PLXDC2: variants seen among roughly 807,000 people sequenced by gnomAD.
PLXDC2 encodes plexin domain-containing protein 2.
PLXDC2 carries 40 observed loss-of-function variants against 68.9 expected under a neutral mutation model. The observed-to-expected ratio is 0.58, with a 90% CI of 0.45 to 0.76. PLXDC2 has a LOEUF of 0.76. PLXDC2 is among the 30% of genes least tolerant of loss of function. The pLI is 0.00. For synonymous variants in PLXDC2, 243 were observed against 234.2 expected, an observed-to-expected ratio of 1.04 and a Z score of -0.34; for missense variants, 644 against 661.9, an observed-to-expected ratio of 0.97 and a Z score of 0.30.
intron 1 of PLXDC2, among the ~76,000 whole-genome samples, chr10:19,875,217 G>A (rs1296016744): frequency 1.3e-5 from 2 of 152,112 alleles, no homozygotes; most frequent in South Asian, 2.1e-4. Context: ...TTAGTTTTTC[G>A]GTTAATGTTC....
At chr10:19,820,259 A>T (rs1217512999) in intron 1 of PLXDC2, among the ~76,000 whole-genome samples, 2 of 152,212 alleles carry the variant, frequency 1.3e-5, no homozygotes, top group Non-Finnish European at 1.5e-5. Context: ...TTTGAATAAA[A>T]CTTAATAATG....
chr10:20,260,064 T>C (rs1164874472), intron 13 of PLXDC2, among the ~76,000 whole-genome samples: 1 of 152,234 alleles, frequency 6.6e-6, no homozygotes, highest in Non-Finnish European at 1.5e-5. Flanking sequence ...AGGTACTCTT[T>C]TTTATAAATT....
At chr10:20,067,932 T>A (rs1836242144) in intron 3 of PLXDC2, among the ~76,000 whole-genome samples, 1 of 152,210 alleles carries the variant, frequency 6.6e-6, no homozygotes, top group Non-Finnish European at 1.5e-5. Flanking sequence ...AACTGATTAT[T>A]CAGTGGACAA....
chr10:20,001,528 T>G (rs183859133), intron 1 of PLXDC2, among the ~76,000 whole-genome samples: 9 of 141,726 alleles, frequency 6.4e-5, no homozygotes, highest in African/African-American at 1.7e-4. Flanking sequence ...GCTGCACATC[T>G]GTTTTTAAAA....
chr10:19,899,729 T>A (rs1838126311), intron 1 of PLXDC2, among the ~76,000 whole-genome samples: 1 of 152,176 alleles, frequency 6.6e-6, no homozygotes, highest in African/African-American at 2.4e-5. Flanking sequence ...GAAAAGATGA[T>A]AGGATACTAA....
At chr10:20,224,529 T>C (rs1169454080) in intron 12 of PLXDC2, among the ~76,000 whole-genome samples, 1 of 152,226 alleles carries the variant, frequency 6.6e-6, no homozygotes, top group Non-Finnish European at 1.5e-5. Context: ...GAAATGTAGA[T>C]GTCTTCAAAA....
At chr10:20,248,914 A>T (rs1835635148) in intron 13 of PLXDC2, among the ~76,000 whole-genome samples, 1 of 152,184 alleles carries the variant, frequency 6.6e-6, no homozygotes, top group Non-Finnish European at 1.5e-5. Flanking sequence ...CTTTTATGAA[A>T]GTGATACCAT....
At chr10:20,135,635 C>T (rs1833923845) in intron 4 of PLXDC2, among the ~76,000 whole-genome samples, 1 of 152,120 alleles carries the variant, frequency 6.6e-6, no homozygotes, top group African/African-American at 2.4e-5. Flanking sequence ...ATTTCAGCTC[C>T]TGTTCTTTCT....
intron 6 of PLXDC2, among the ~76,000 whole-genome samples, chr10:20,160,824 A>G (rs936138998): frequency 6.6e-6 from 1 of 152,184 alleles, no homozygotes; most frequent in Non-Finnish European, 1.5e-5. Flanking sequence ...TATACCTAGA[A>G]TTAGATATTT....
chr10:20,118,283 G>A (rs1833649585), intron 4 of PLXDC2, among the ~76,000 whole-genome samples: 1 of 152,118 alleles, frequency 6.6e-6, no homozygotes, highest in African/African-American at 2.4e-5. Context: ...AGAGTGAATT[G>A]CAATATGAAT....
At chr10:20,164,702 G>A in intron 7 of PLXDC2, 135 bp downstream of exon 7, 1 of 715,222 alleles carries the variant, frequency 1.4e-6, no homozygotes, top group Non-Finnish European at 2.4e-6. Flanking sequence ...TGTTAATTCT[G>A]TTGTTTGCTT....
intron 4 of PLXDC2, among the ~76,000 whole-genome samples, chr10:20,080,960 C>T (rs928099042): frequency 2.0e-4 from 30 of 152,208 alleles, no homozygotes; most frequent in African/African-American, 7.2e-4. Context: ...TCAGAAACTC[C>T]TGAGGATTCT....
At chr10:20,007,198 G>A (rs978132828) in intron 2 of PLXDC2, among the ~76,000 whole-genome samples, 2 of 152,178 alleles carry the variant, frequency 1.3e-5, no homozygotes, top group African/African-American at 4.8e-5. Context: ...TCTTCCCCTG[G>A]AAGCTGGCAC....
chr10:20,122,307 G>C (rs531140387), intron 4 of PLXDC2, among the ~76,000 whole-genome samples: 2 of 152,280 alleles, frequency 1.3e-5, no homozygotes, highest in Admixed American at 1.3e-4. Flanking sequence ...AATGCGGAGT[G>C]AGTAGCCTCC....
At chr10:20,188,622 T>C (rs755144112) in intron 9 of PLXDC2, among the ~76,000 whole-genome samples, 3 of 151,690 alleles carry the variant, frequency 2.0e-5, no homozygotes, top group Non-Finnish European at 4.4e-5. Context: ...TTTGCCTAAG[T>C]TGTATGGAAG....
At chr10:19,846,295 A>G (rs1465427141) in intron 1 of PLXDC2, among the ~76,000 whole-genome samples, 1 of 152,090 alleles carries the variant, frequency 6.6e-6, no homozygotes, top group African/African-American at 2.4e-5. Context: ...AAAGAGCATT[A>G]TTTTTCTCCA....
chr10:19,883,911 T>TTTTTTTTTTTTTTTTC (rs1837788503), intron 1 of PLXDC2, among the ~76,000 whole-genome samples: 1 of 136,798 alleles, frequency 7.3e-6, no homozygotes, highest in African/African-American at 2.8e-5. Flanking sequence ...TTTTTTTTTT[T>TTTTTTTTTTTTTTTTC]AGCAGACAGG....
At chr10:20,020,142 G>C (rs1049801430) in intron 2 of PLXDC2, among the ~76,000 whole-genome samples, 7 of 148,904 alleles carry the variant, frequency 4.7e-5, no homozygotes, top group Non-Finnish European at 1.0e-4. Flanking sequence ...CTCCTGAAAA[G>C]GTGGGGCTAC....
chr10:19,897,253 T>A (rs12773497), intron 1 of PLXDC2, among the ~76,000 whole-genome samples: 12,249 of 151,692 alleles, frequency 0.081, 517 homozygotes, highest in Admixed American at 0.095. Flanking sequence ...TTTTTTGTTT[T>A]CTTGAGACGG....
Sources: gnomAD v4.1 joint callset for allele counts (sites outside exome capture counted in the v4.1 genomes callset) on GRCh38, gnomAD v4.1.1 for gene constraint, MANE v1.5 for transcripts, NCBI Gene and HGNC (gene_info 2026-07-23, HGNC 2026-07-21) for gene names.